EFR3B: variants seen among roughly 807,000 people sequenced by gnomAD.
EFR3B encodes the protein EFR3 homolog B.
Under a neutral mutation model 104.7 loss-of-function variants are expected in EFR3B, and 64 were observed. That is an observed-to-expected ratio of 0.61 (90% CI 0.50 to 0.75). The LOEUF (loss-of-function observed/expected upper bound fraction) is 0.75, where lower values mean the gene tolerates loss of function less well. EFR3B is among the 30% of genes least tolerant of loss of function. The probability of loss-of-function intolerance (pLI) is 0.00; values close to 1 mark genes in which losing one functional copy is unlikely to be tolerated. For synonymous variants in EFR3B, 385 were observed against 417.9 expected (o/e 0.92, Z 0.96); for missense variants, 750 against 1,078.5 (o/e 0.70, Z 4.27).
chr2:25,063,392 C>CTA (rs1226196754), intron 1 of EFR3B, among the ~76,000 whole-genome samples: 2 of 152,138 alleles, frequency 1.3e-5, no homozygotes, highest in Non-Finnish European at 2.9e-5. Flanking sequence ...GTATAAGGAC[C>CTA]TATACTCTCT....
chr2:25,042,519 T>C lies in EFR3B; in HGVS notation c.7+200T>C. ...ATGCCTCGGGCCGGGGACCCTGGGG[T>C]CCTCTCCAGGCCCGGCGCGTGCCGG... is the stretch of plus-strand genomic sequence containing the variant. On this transcript the variant is annotated intron_variant, in intron 1 of 22. Coordinates refer to ENST00000403714, the MANE Select transcript of EFR3B (RefSeq NM_014971.2). This position sits in a 1 kb window ranked among gnomAD's most constrained non-coding sequence, Gnocchi z 5.4. 8.3e-7 allele frequency: 1 copy of C among 1,205,652 alleles called. No homozygotes were observed. The highest frequency in any genetic ancestry group is 4.3e-5 in the South Asian group (1 of 23,264). The allele number at this position is 1,205,652 out of a possible 1,614,324, so 74.7% of individuals were successfully genotyped here.
Position 25,081,464 on chromosome 2 carries a change from C to T in EFR3B, c.8-9861C>T, listed in dbSNP as rs61747532. The T allele has an allele frequency of 7.9e-5, 114 of 1,442,668 alleles. No homozygotes were observed. In the African/African-American group the frequency reaches 1.3e-3, roughly 16 times the overall value. The allele number at this position is 1,442,668 out of a possible 1,614,324, so 89.4% of individuals were successfully genotyped here. On this transcript the variant is annotated intron_variant, in intron 1 of 22. Transcript: ENST00000403714. ...TAAGCTTCATCTGGTGATTTTGCCA[C>T]ATATCCTTTGGAAACGGAGACACCA...
In EFR3B at chr2:25,050,085, G is replaced by A. The variant is rs554866586; in HGVS notation, c.7+7766G>A. ...GTGGAGGTTGCTGTGAGTGGAGATC[G>A]TGCCATTGCACACCAGCCTGGGCAA... is the stretch of plus-strand genomic sequence containing the variant. On this transcript the variant is annotated intron_variant, in intron 1 of 22. Transcript: ENST00000403714. Among the ~76,000 whole-genome samples the A allele has an allele frequency of 8.7e-4, 131 of 151,436 alleles. 1 individual carries two copies. Among genetic ancestry groups the A allele is most frequent in the African/African-American group, 3.0e-3 (124 of 41,258 alleles).
chr2:25,078,677 G>A (rs2149178038), intron 1 of EFR3B, among the ~76,000 whole-genome samples: 1 of 152,294 alleles, frequency 6.6e-6, no homozygotes, highest in East Asian at 1.9e-4. Context: ...AAGAAAAGAT[G>A]AGTCACTGAA....
At chr2:25,065,804 C>CTA (rs1668317991) in intron 1 of EFR3B, among the ~76,000 whole-genome samples, 2 of 152,304 alleles carry the variant, frequency 1.3e-5, no homozygotes, top group East Asian at 3.9e-4. Flanking sequence ...CTGCTCTGGG[C>CTA]TGTTCCCAGC....
At chr2:25,062,056 C>A (rs1426556458) in intron 1 of EFR3B, among the ~76,000 whole-genome samples, 2 of 152,132 alleles carry the variant, frequency 1.3e-5, no homozygotes, top group African/African-American at 4.8e-5. Context: ...TTTGTATTTT[C>A]TACACTTCGT....
chr2:25,054,787 C>A (rs1667974297), intron 1 of EFR3B, among the ~76,000 whole-genome samples: 1 of 152,162 alleles, frequency 6.6e-6, no homozygotes, highest in African/African-American at 2.4e-5. Flanking sequence ...GAGGAGCCTG[C>A]CTCGGTGCTG....
At chr2:25,145,962 T>G (rs144192894) in intron 19 of EFR3B, 1 of 152,010 alleles carries the variant, frequency 6.6e-6, no homozygotes, top group African/African-American at 2.4e-5. Context: ...ATTCTGTGGG[T>G]TTGGACAAAT....
chr2:25,060,739 C>A (rs1433595943), intron 1 of EFR3B, among the ~76,000 whole-genome samples: 1 of 151,666 alleles, frequency 6.6e-6, no homozygotes, highest in Non-Finnish European at 1.5e-5. Context: ...GCTAACACAG[C>A]GAAACCCCGT....
intron 1 of EFR3B, among the ~76,000 whole-genome samples, chr2:25,087,218 T>G (rs1276873965): frequency 6.6e-6 from 1 of 152,010 alleles, no homozygotes; most frequent in African/African-American, 2.4e-5. Context: ...ATGATTAAAT[T>G]ACCTCCCCCT....
chr2:25,061,642 C>G (rs549206619), intron 1 of EFR3B, among the ~76,000 whole-genome samples: 1 of 151,478 alleles, frequency 6.6e-6, no homozygotes, highest in South Asian at 2.1e-4. Flanking sequence ...TACAGGCGTG[C>G]GCCACCACGC....
chr2:25,084,852 T>G (rs778396807), intron 1 of EFR3B, among the ~76,000 whole-genome samples: 1 of 152,202 alleles, frequency 6.6e-6, no homozygotes. Flanking sequence ...CAGTCAGTTA[T>G]ACATTTATCT....
intron 2 of EFR3B, 39 bp from the exon 3 acceptor site, chr2:25,092,964 A>C (rs746506427): frequency 2.6e-5 from 40 of 1,537,906 alleles, no homozygotes; most frequent in Admixed American, 2.0e-5. Context: ...GTCTAGCCAT[A>C]GTGTGGCCAT....
chr2:25,094,295 A>AAAG (rs918901941), intron 3 of EFR3B, among the ~76,000 whole-genome samples: 20 of 151,350 alleles, frequency 1.3e-4, no homozygotes, highest in Admixed American at 2.6e-4. Flanking sequence ...AAAAAAAAAA[A>AAAG]AAAAAAGAAA....
chr2:25,114,162 CA>C lies in EFR3B; in HGVS notation c.364-7510del, dbSNP rs1669799822. On this transcript the variant is annotated intron_variant, in intron 4 of 22. Coordinates refer to ENST00000403714, the MANE Select transcript of EFR3B (RefSeq NM_014971.2). The surrounding 1 kb of genome is among the most constrained non-coding windows in gnomAD (Gnocchi z 4.0). ...CCAGGGCCCCCGGGAAAAACCCCAT[CA>C]GACCCTCTGAATCACTGTCACCAAA... Among the ~76,000 whole-genome samples, 1 of 152,210 alleles carries C rather than the reference CA, an allele frequency of 6.6e-6. No homozygotes were observed. Among genetic ancestry groups the C allele is most frequent in the Admixed American group, 6.5e-5 (1 of 15,278 alleles).
At chr2:25,123,403 A>G (rs1670076000) in intron 5 of EFR3B, among the ~76,000 whole-genome samples, 2 of 151,948 alleles carry the variant, frequency 1.3e-5, no homozygotes, top group Non-Finnish European at 2.9e-5. Flanking sequence ...TAAAATGAAT[A>G]TATGCTTCCA....
intron 4 of EFR3B, among the ~76,000 whole-genome samples, chr2:25,106,702 C>T (rs1028969991): frequency 1.3e-5 from 2 of 152,154 alleles, no homozygotes; most frequent in African/African-American, 4.8e-5. Flanking sequence ...CTCGGCCTCC[C>T]AAAGTGCTGG....
chr2:25,045,067 A>C (rs1475979741), intron 1 of EFR3B, among the ~76,000 whole-genome samples: 1 of 152,210 alleles, frequency 6.6e-6, no homozygotes, highest in Non-Finnish European at 1.5e-5. Flanking sequence ...TGTTGTGAGC[A>C]TCACAAGAGG....
intron 1 of EFR3B, among the ~76,000 whole-genome samples, chr2:25,044,069 T>C (rs1667651186): frequency 6.6e-6 from 1 of 152,238 alleles, no homozygotes; most frequent in South Asian, 2.1e-4. Context: ...TCAAAGCATC[T>C]GGGTGCTATT....
Sources: gnomAD v4.1 joint callset for allele counts (sites outside exome capture counted in the v4.1 genomes callset) on GRCh38, gnomAD v4.1.1 for gene constraint, Gnocchi (gnomAD v3.1) non-coding constraint, MANE v1.5 for transcripts, NCBI Gene and HGNC (gene_info 2026-07-23, HGNC 2026-07-21) for gene names.